The following ANO4 variants were observed in gnomAD, a reference collection of about 807,000 sequenced individuals.
ANO4 encodes anoctamin-4.
ANO4 carries 69 observed loss-of-function variants against 141.9 expected under a neutral mutation model. The ratio of observed to expected loss-of-function variants is 0.49; its 90% confidence interval spans 0.40 to 0.59. The LOEUF is 0.59. ANO4 is among the 20% of genes least tolerant of loss of function. The pLI is 0.00. For missense variants in ANO4, 894 were observed against 1,162.2 expected (o/e 0.77, Z 3.36); for synonymous variants, 350 against 394.3 (o/e 0.89, Z 1.33).
chr12:100,769,343 A>G (rs930201945), intron 3 of ANO4, among the ~76,000 whole-genome samples: 16 of 152,212 alleles, frequency 1.1e-4, no homozygotes, highest in Admixed American at 2.0e-4. Context: ...GGTAAATAGG[A>G]TATCATGAAG....
chr12:100,739,388 A>T (rs983291421), intron 2 of ANO4, among the ~76,000 whole-genome samples: 1 of 152,022 alleles, frequency 6.6e-6, no homozygotes, highest in Non-Finnish European at 1.5e-5. Context: ...GTTGTAGTTT[A>T]TGGGAAAGAA....
At chr12:100,868,368 G>T (rs573564027) in intron 1 of ANO4, among the ~76,000 whole-genome samples, 3 of 152,056 alleles carry the variant, frequency 2.0e-5, no homozygotes, top group East Asian at 1.9e-4. Flanking sequence ...GTAGAATTTT[G>T]TCTCTTCTAT....
chr12:100,956,042 T>C (rs1716052314), intron 5 of ANO4, among the ~76,000 whole-genome samples: 1 of 152,224 alleles, frequency 6.6e-6, no homozygotes, highest in Admixed American at 6.5e-5. Context: ...ATGAACATAA[T>C]TGACATCAGA....
intron 13 of ANO4, 64 bp downstream of exon 13, chr12:101,043,699 G>GTAT: frequency 8.3e-7 from 1 of 1,204,468 alleles, no homozygotes; most frequent in Non-Finnish European, 1.2e-6. Flanking sequence ...GAGGGATGGT[G>GTAT]GGTAACTCTA....
intron 13 of ANO4, among the ~76,000 whole-genome samples, chr12:101,046,603 A>G (rs1179147937): frequency 6.6e-6 from 1 of 152,206 alleles, no homozygotes; most frequent in Non-Finnish European, 1.5e-5. Flanking sequence ...CCTGGAATCT[A>G]CTACCTTGCT....
In ANO4 at chr12:101,099,651, CAATGGGA is replaced by C; in HGVS notation, c.2083_2089del (p.Trp695ArgfsTer8). ...ACCTGAAAGGAAAATAAGTTTCCCA[CAATGGGA>C]AAAGGACTATAACCTTCAGCCGATG... On this transcript the variant is annotated frameshift_variant, in exon 22 of 28. Transcript: ENST00000392977. LOFTEE classifies it high-confidence loss of function. 1 of 1,611,456 alleles carries C rather than the reference CAATGGGA, an allele frequency of 6.2e-7. No homozygotes were observed. Among genetic ancestry groups the C allele is most frequent in the Non-Finnish European group, 8.5e-7 (1 of 1,178,718 alleles).
chr12:100,729,360 CAAAAAAAAAAAAAAAAA>C (rs1156522144), intron 1 of ANO4, among the ~76,000 whole-genome samples: 25 of 22,576 alleles, frequency 1.1e-3, no homozygotes, highest in African/African-American at 3.3e-3. Context: ...AACTCTGTCT[CAAAAAAAAAAAAAAAAA>C]AAAAAAAAAA....
At chr12:101,036,459 A>C in intron 9 of ANO4, among the ~76,000 whole-genome samples, 1 of 152,204 alleles carries the variant, frequency 6.6e-6, no homozygotes, top group Admixed American at 6.5e-5. Context: ...GTGTCCCCTG[A>C]TGGAAGAATG....
chr12:100,805,261 G>A (rs1191943763), intron 1 of ANO4, among the ~76,000 whole-genome samples: 3 of 152,124 alleles, frequency 2.0e-5, no homozygotes, highest in Admixed American at 6.5e-5. Flanking sequence ...GGTGGTTGTA[G>A]GGGTGTGGTC....
intron 8 of ANO4, among the ~76,000 whole-genome samples, chr12:100,998,324 G>A (rs562759863): frequency 3.9e-5 from 6 of 152,206 alleles, no homozygotes; most frequent in Admixed American, 3.9e-4. Context: ...CGGCTTGCAG[G>A]CAGCCTATTG....
intron 9 of ANO4, among the ~76,000 whole-genome samples, chr12:101,024,617 G>C (rs1357041101): frequency 2.0e-5 from 3 of 151,602 alleles, no homozygotes; most frequent in Non-Finnish European, 4.4e-5. Context: ...AAGTTATCAT[G>C]TGAGTCTCTT....
At chr12:100,917,521 A>AT (rs772924870) in intron 2 of ANO4, among the ~76,000 whole-genome samples, 5 of 152,300 alleles carry the variant, frequency 3.3e-5, no homozygotes, top group South Asian at 4.1e-4. Context: ...GGCATAGTAC[A>AT]TTTTTTACAT....
chr12:100,869,774 CCTT>C (rs775312858), intron 1 of ANO4, among the ~76,000 whole-genome samples: 1 of 152,108 alleles, frequency 6.6e-6, no homozygotes, highest in Non-Finnish European at 1.5e-5. Flanking sequence ...CTTTTGTACA[CCTT>C]CTAAGGCTGT....
intron 8 of ANO4, among the ~76,000 whole-genome samples, chr12:100,993,943 T>C (rs1452325536): frequency 6.6e-6 from 1 of 152,194 alleles, no homozygotes; most frequent in African/African-American, 2.4e-5. Context: ...TTACGCTCTA[T>C]TGTGAGATTT....
intron 1 of ANO4, among the ~76,000 whole-genome samples, chr12:100,795,646 C>T (rs779655103): frequency 5.3e-5 from 8 of 152,194 alleles, no homozygotes; most frequent in Non-Finnish European, 1.0e-4. Flanking sequence ...TCTTTCCCTT[C>T]TGAGTCTCAG....
intron 14 of ANO4, among the ~76,000 whole-genome samples, chr12:101,054,509 C>T (rs1477003563): frequency 1.1e-4 from 16 of 151,714 alleles, no homozygotes; most frequent in African/African-American, 1.2e-4. Context: ...AACTTTTTTT[C>T]TTTTTTTTGA....
Position 101,097,671 on chromosome 12 carries a change from C to G in ANO4, c.1871C>G (p.Ala624Gly). 6.2e-7 allele frequency: 1 copy of G among 1,613,820 alleles called. No homozygotes were observed. Among genetic ancestry groups the G allele is most frequent in the Non-Finnish European group, 8.5e-7 (1 of 1,179,802 alleles). Residue 624 changes from alanine to glycine, a missense_variant, in exon 20 of 28, where the codon GCC (alanine) becomes GGC (glycine). Physicochemically the swap from Ala to Gly is moderately conservative, Grantham distance 60 (BLOSUM62 0). Around this residue, in one of 2 missense-constraint regions of ANO4, gnomAD observed 637 missense variants for 909.2 expected, o/e 0.70. Transcript: ENST00000392977. ...TGAAGATTTACAGGACACCCAGGTGCCTACTTGAGGCTGATAAACAGGTGG... is the reference window on the plus strand; with the variant it reads ...TGAAGATTTACAGGACACCCAGGTGGCTACTTGAGGCTGATAAACAGGTGG... The part of the protein sequence containing the change: ...FLGRFTGHPG[A>G]YLRLINRWRL...
intron 9 of ANO4, among the ~76,000 whole-genome samples, chr12:101,031,662 TG>T (rs2046981596): frequency 1.3e-5 from 2 of 152,200 alleles, no homozygotes; most frequent in African/African-American, 4.8e-5. Context: ...GCAGATGACA[TG>T]ATTGTATATA....
At chr12:100,873,693 A>G (rs2039147795) in intron 1 of ANO4, among the ~76,000 whole-genome samples, 1 of 152,230 alleles carries the variant, frequency 6.6e-6, no homozygotes, top group East Asian at 1.9e-4. Flanking sequence ...TAGAGTGTAA[A>G]AATTTTGAAA....
Sources: allele counts gnomAD v4.1 joint callset (sites outside exome capture counted in the v4.1 genomes callset), GRCh38; gene constraint gnomAD v4.1.1; regional missense constraint gnomAD v4.1.1; transcripts MANE v1.5; gene names NCBI Gene and HGNC (gene_info 2026-07-23, HGNC 2026-07-21).